The following MYH15 variants were observed in gnomAD, a reference collection of about 807,000 sequenced individuals.
MYH15 encodes myosin heavy chain 15, also known as myosin-15.
Under a neutral mutation model 240.5 loss-of-function variants are expected in MYH15, and 227 were observed. That is an observed-to-expected ratio of 0.94 (90% CI 0.85 to 1.05). MYH15 has a LOEUF of 1.05. Among genes scored for constraint, MYH15 ranks in the 50% least tolerant of loss-of-function variants. The pLI, the probability that MYH15 is intolerant of heterozygous loss-of-function variation, is 0.00. For missense variants in MYH15, 2,217 were observed against 2,247.5 expected, an observed-to-expected ratio of 0.99 and a Z score of 0.27; for synonymous variants, 785 against 796.7, an observed-to-expected ratio of 0.99 and a Z score of 0.25.
chr3:108,510,589 T>TAA lies in MYH15; in HGVS notation c.-60_-59insTT. The TAA allele has an allele frequency of 6.5e-7, 1 of 1,537,834 alleles. No individual in the cohort carries two copies. The highest frequency in any genetic ancestry group is 2.2e-5 in the Admixed American group (1 of 44,644). ...AAACGTGAGTAGGCAAGATTCAACCTGAAAAAAAAAAATTGATACAGAGAA... is the reference window on the plus strand; with the variant it reads ...AAACGTGAGTAGGCAAGATTCAACCTAAGAAAAAAAAAAATTGATACAGAGAA... On this transcript the variant is annotated 5_prime_UTR_variant, in exon 1 of 41. Transcript: ENST00000693548.
intron 40 of MYH15, 127 bp from the exon 41 acceptor site, chr3:108,381,686 A>G: frequency 9.8e-7 from 1 of 1,018,630 alleles, no homozygotes; most frequent in Middle Eastern, 2.1e-4. Context: ...CATTAACTTC[A>G]AAGGGAGGCA....
rs9868484 is a variant in MYH15 at position 108,470,146 on chromosome 3, G to A, written c.1450C>T (p.His484Tyr). Reference sequence around the variant, plus strand: ...TCCTCTTGCTCCAGAACAAACATGTGCCAATTGAAGAATTGTTGTAATTTT... The same window carrying A: ...TCCTCTTGCTCCAGAACAAACATGTACCAATTGAAGAATTGTTGTAATTTT... Reference protein sequence around the residue: ...NEKLQQFFNWHMFVLEQEEYK... With the variant: ...NEKLQQFFNWYMFVLEQEEYK... Residue 484 changes from histidine to tyrosine, a missense_variant, in exon 14 of 41, where the codon CAC becomes TAC. His to Tyr is a moderately conservative substitution (Grantham distance 83). Coordinates refer to ENST00000693548, the MANE Select transcript of MYH15 (RefSeq NM_014981.3). 1,104,167 of 1,608,092 alleles carry A rather than the reference G, an allele frequency of 0.69. 394,394 individuals carry two copies. Among genetic ancestry groups the A allele is most frequent in the Non-Finnish European group, 0.73 (863,051 of 1,177,206 alleles).
intron 11 of MYH15, among the ~76,000 whole-genome samples, chr3:108,484,161 C>G (rs1285413508): frequency 1.3e-5 from 2 of 152,082 alleles, no homozygotes; most frequent in East Asian, 3.9e-4. Context: ...TGGGTTTTCT[C>G]TTTTTGTTTC....
intron 11 of MYH15, among the ~76,000 whole-genome samples, chr3:108,479,471 G>A (rs2083248962): frequency 6.6e-6 from 1 of 152,200 alleles, no homozygotes; most frequent in African/African-American, 2.4e-5. Flanking sequence ...ACACATACAA[G>A]TTTGAGAACA....
chr3:108,435,723 GATGTATGTATGA>G (rs1463100525), intron 25 of MYH15, among the ~76,000 whole-genome samples: 1 of 141,310 alleles, frequency 7.1e-6, no homozygotes, highest in Non-Finnish European at 1.5e-5. Flanking sequence ...TATGTATACA[GATGTATGTATGA>G]ATGTATGTAT....
intron 7 of MYH15, among the ~76,000 whole-genome samples, chr3:108,495,035 C>A (rs1432688645): frequency 1.3e-5 from 2 of 152,160 alleles, no homozygotes; most frequent in Non-Finnish European, 2.9e-5. Flanking sequence ...CAGCCAGACA[C>A]TGTAAGCTCA....
chr3:108,512,536 T>C (rs2083529406), upstream of MYH15, among the ~76,000 whole-genome samples: 1 of 152,170 alleles, frequency 6.6e-6, no homozygotes, highest in Non-Finnish European at 1.5e-5. Flanking sequence ...AGATATCCAT[T>C]AATACATGTG....
At chr3:108,408,876 A>G (rs1442193401) in intron 31 of MYH15, among the ~76,000 whole-genome samples, 1 of 152,254 alleles carries the variant, frequency 6.6e-6, no homozygotes, top group Non-Finnish European at 1.5e-5. Context: ...ATGGCCCCAG[A>G]TAGGCCAGAG....
In MYH15 at chr3:108,454,128, A is replaced by G. The variant is rs1380638054; in HGVS notation, c.2277T>C (p.Ala759=). The G allele has an allele frequency of 5.6e-6, 9 of 1,609,976 alleles. No homozygotes were observed. Among genetic ancestry groups the G allele is most frequent in the Non-Finnish European group, 7.6e-6 (9 of 1,177,248 alleles). Residue 759 remains alanine, a synonymous_variant, in exon 21 of 41, where the codon GCT becomes GCC. Transcript: ENST00000693548. The stretch of plus-strand genomic sequence containing the variant: ...TTGCTTCCAGTTGGCCCAGAAACCC[A>G]GCTTTAAAAAACACCTAAAGGAAAA... ...RFGITKVFFK[A]GFLGQLEAIR...
chr3:108,439,396 A>G (rs2082867192), intron 24 of MYH15, among the ~76,000 whole-genome samples: 6 of 152,230 alleles, frequency 3.9e-5, no homozygotes, highest in Admixed American at 3.9e-4. Flanking sequence ...ATAGAGTACC[A>G]GCATATCTGT....
At chr3:108,407,903 G>A (rs988432947) in intron 32 of MYH15, among the ~76,000 whole-genome samples, 1 of 152,238 alleles carries the variant, frequency 6.6e-6, no homozygotes, top group African/African-American at 2.4e-5. Context: ...ATTCAACAGA[G>A]ATGGGCAGAG....
intron 29 of MYH15, among the ~76,000 whole-genome samples, chr3:108,414,745 T>C (rs1170452438): frequency 6.6e-6 from 1 of 152,220 alleles, no homozygotes; most frequent in African/African-American, 2.4e-5. Flanking sequence ...TTCACTATCA[T>C]TTAGGCAATA....
intron 33 of MYH15, among the ~76,000 whole-genome samples, chr3:108,404,416 T>C (rs1004482510): frequency 3.3e-5 from 5 of 152,246 alleles, no homozygotes; most frequent in African/African-American, 1.2e-4. Flanking sequence ...ACATATGGCA[T>C]TGACTTAAGG....
rs2082582937 is a variant in MYH15, at chr3:108,410,624, A to G, written c.4454T>C (p.Val1485Ala). 3 of 1,606,816 alleles carry G rather than the reference A, an allele frequency of 1.9e-6. No homozygotes were observed. The East Asian group carries it at 6.7e-5, about 36-fold the overall frequency. ...KLKNTYEESI[V>A]GQETLRRENK... ...CTCCCTCCTGAGTGTCTCCTGGCCC[A>G]CGATGCTCTCCTCATAGGTGTTCTT... Residue 1485 changes from valine to alanine, a missense_variant, in exon 31 of 41, where the codon GTG becomes GCG. Physicochemically the swap from Val to Ala is moderately conservative, Grantham distance 64. Coordinates refer to ENST00000693548, the MANE Select transcript of MYH15 (RefSeq NM_014981.3).
intron 14 of MYH15, among the ~76,000 whole-genome samples, chr3:108,468,474 T>C (rs1184598256): frequency 6.6e-6 from 1 of 152,232 alleles, no homozygotes; most frequent in African/African-American, 2.4e-5. Flanking sequence ...CTTCTTCAGA[T>C]AGCCCCAACG....
intron 38 of MYH15, 78 bp from the exon 39 acceptor site, chr3:108,384,860 A>G: frequency 7.8e-7 from 1 of 1,275,016 alleles, no homozygotes; most frequent in Non-Finnish European, 1.1e-6. Context: ...ATGTGGGGAA[A>G]TAAGGATCAG....
chr3:108,493,748 G>C (rs919976893), intron 7 of MYH15, among the ~76,000 whole-genome samples: 1 of 152,148 alleles, frequency 6.6e-6, no homozygotes, highest in Non-Finnish European at 1.5e-5. Flanking sequence ...CAGAGAAAGG[G>C]GGGGCATAAA....
chr3:108,486,557 T>G (rs1053142839), intron 9 of MYH15, 31 bp from the exon 10 acceptor site: 80 of 1,475,536 alleles, frequency 5.4e-5, no homozygotes, highest in Non-Finnish European at 7.1e-5. Context: ...GTTAAACAGC[T>G]TAAAGAAATC....
At chr3:108,491,469 C>T (rs906548666) in intron 9 of MYH15, among the ~76,000 whole-genome samples, 19 of 152,054 alleles carry the variant, frequency 1.2e-4, no homozygotes, top group Non-Finnish European at 2.5e-4. Context: ...CATCACTCTT[C>T]CTCATTCTTA....
Sources: allele counts gnomAD v4.1 joint callset (sites outside exome capture counted in the v4.1 genomes callset), GRCh38; gene constraint gnomAD v4.1.1; transcripts MANE v1.5; gene names NCBI Gene and HGNC (gene_info 2026-07-23, HGNC 2026-07-21).